CERS6: variants seen among roughly 807,000 people sequenced by gnomAD.
CERS6 encodes the protein LAG1 homolog, ceramide synthase 6.
In CERS6, 26 loss-of-function variants were observed where a neutral mutation model predicts 56.8. The ratio of observed to expected loss-of-function variants is 0.46; its 90% confidence interval spans 0.34 to 0.63. The LOEUF is 0.63. Ranked by LOEUF, CERS6 falls within the 30% of genes least tolerant of loss-of-function variation. CERS6 has a pLI of 0.01. For synonymous variants in CERS6, 164 were observed against 173.3 expected, an observed-to-expected ratio of 0.95 and a Z score of 0.42; for missense variants, 415 against 467.5, an observed-to-expected ratio of 0.89 and a Z score of 1.04.
rs547750306 is a variant in CERS6 at position 168,766,473 on chromosome 2, T to A, written c.1002+725T>A. 5.1e-5 allele frequency: 42 copies of A among 830,770 alleles called. No individual in the cohort carries two copies. The East Asian group carries it at 1.0e-3, about 20-fold the overall frequency. 51.5% of individuals were successfully genotyped at this position (830,770 alleles called of 1,614,324 possible). On this transcript the variant is annotated intron_variant, in intron 9 of 9. Transcript: ENST00000305747. The stretch of plus-strand genomic sequence containing the variant: ...CTATTGGCACTGTCTAGAGGCTTCA[T>A]GTGAGCTGTAGCTCTGTGAACTGCA...
chr2:168,472,409 C>G (rs1038008163), intron 1 of CERS6, among the ~76,000 whole-genome samples: 1 of 152,156 alleles, frequency 6.6e-6, no homozygotes, highest in African/African-American at 2.4e-5. Flanking sequence ...GCAAAACTCA[C>G]TATTCCACTT....
chr2:168,527,551 G>T (rs1185579128), intron 1 of CERS6, among the ~76,000 whole-genome samples: 1 of 152,082 alleles, frequency 6.6e-6, no homozygotes, highest in African/African-American at 2.4e-5. Context: ...CTAGAGGCTG[G>T]GAAGTTTAAG....
chr2:168,578,347 CT>C (rs1490857406), intron 3 of CERS6, among the ~76,000 whole-genome samples: 1 of 151,978 alleles, frequency 6.6e-6, no homozygotes, highest in Non-Finnish European at 1.5e-5. Context: ...TCATAAAGTA[CT>C]TTTGTGTCTT....
intron 4 of CERS6, among the ~76,000 whole-genome samples, chr2:168,673,743 T>C (rs913246269): frequency 6.6e-6 from 1 of 152,222 alleles, no homozygotes; most frequent in African/African-American, 2.4e-5. Context: ...TAAGGAACTT[T>C]TGTCTCTCTA....
chr2:168,509,349 T>C (rs1694738037), intron 1 of CERS6, among the ~76,000 whole-genome samples: 1 of 152,226 alleles, frequency 6.6e-6, no homozygotes, highest in South Asian at 2.1e-4. Flanking sequence ...TTTAAGTTAA[T>C]GCCATTAAGA....
chr2:168,459,254 T>A (rs1693734066), intron 1 of CERS6, among the ~76,000 whole-genome samples: 1 of 152,260 alleles, frequency 6.6e-6, no homozygotes, highest in Non-Finnish European at 1.5e-5. Flanking sequence ...TTGTTGAGGC[T>A]AAAATCGTGA....
At chr2:168,579,605 C>T (rs1683359861) in intron 3 of CERS6, among the ~76,000 whole-genome samples, 1 of 152,146 alleles carries the variant, frequency 6.6e-6, no homozygotes, top group African/African-American at 2.4e-5. Context: ...CTAGCTTAGG[C>T]ACCCTTTCTC....
chr2:168,693,420 C>T (rs1686555592), intron 5 of CERS6, among the ~76,000 whole-genome samples: 3 of 152,088 alleles, frequency 2.0e-5, no homozygotes, highest in Admixed American at 2.0e-4. Flanking sequence ...TATAATTCCT[C>T]TGGGGCCTTT....
intron 1 of CERS6, among the ~76,000 whole-genome samples, chr2:168,523,503 C>T (rs13430483): frequency 0.18 from 26,600 of 151,768 alleles, 2,700 homozygotes; most frequent in Middle Eastern, 0.23. Context: ...GAGAGGTGGT[C>T]GTTGGGTGGA....
In CERS6 at chr2:168,575,983, C is replaced by T. The variant is rs147510783; in HGVS notation, c.407+14661C>T. ...TGGTACTTAGTGTCTAATGAAGTTG[C>T]CTTAGAGAGGAGCACAGAGCGTTTA... On this transcript the variant is annotated intron_variant, in intron 3 of 9. Transcript: ENST00000305747. Among the ~76,000 whole-genome samples, 489 of 152,158 alleles carry T rather than the reference C, an allele frequency of 3.2e-3. 5 individuals carry two copies. Among genetic ancestry groups the T allele is most frequent in the African/African-American group, 0.011 (449 of 41,518 alleles).
chr2:168,480,023 T>C (rs371155748), intron 1 of CERS6, among the ~76,000 whole-genome samples: 32 of 152,362 alleles, frequency 2.1e-4, no homozygotes, highest in African/African-American at 7.5e-4. Context: ...AGAACCACTC[T>C]GATCCTGTGA....
intron 3 of CERS6, among the ~76,000 whole-genome samples, chr2:168,617,638 T>C (rs566645910): frequency 1.3e-5 from 2 of 152,062 alleles, no homozygotes; most frequent in Admixed American, 1.3e-4. Flanking sequence ...CTAGAGGAGA[T>C]AGATAAATTC....
intron 1 of CERS6, among the ~76,000 whole-genome samples, chr2:168,490,393 G>A (rs114552044): frequency 0.025 from 3,870 of 152,120 alleles, 158 homozygotes; most frequent in African/African-American, 0.088. Context: ...CTGTATAGTG[G>A]GGCTCTGTGA....
intron 8 of CERS6, among the ~76,000 whole-genome samples, chr2:168,760,856 C>G (rs1684560247): frequency 6.6e-6 from 1 of 152,028 alleles, no homozygotes; most frequent in South Asian, 2.1e-4. Flanking sequence ...CCCGGGTTCA[C>G]GCCATTCTCC....
intron 8 of CERS6, among the ~76,000 whole-genome samples, chr2:168,743,066 C>T (rs371753733): frequency 6.6e-6 from 1 of 151,938 alleles, no homozygotes; most frequent in African/African-American, 2.4e-5. Context: ...ATAGTTTGCT[C>T]CAGAGCCTCA....
chr2:168,508,015 A>C (rs957206687), intron 1 of CERS6, among the ~76,000 whole-genome samples: 1 of 152,302 alleles, frequency 6.6e-6, no homozygotes, highest in Admixed American at 6.5e-5. Context: ...TACCTATTTA[A>C]AGTTGTATCA....
intron 1 of CERS6, among the ~76,000 whole-genome samples, chr2:168,500,295 A>C (rs1694556478): frequency 6.6e-6 from 1 of 152,214 alleles, no homozygotes; most frequent in South Asian, 2.1e-4. Flanking sequence ...GTATAGAATG[A>C]ATGTACAGCA....
intron 8 of CERS6, among the ~76,000 whole-genome samples, chr2:168,722,338 C>G (rs865941889): frequency 6.6e-6 from 1 of 152,010 alleles, no homozygotes; most frequent in Non-Finnish European, 1.5e-5. Context: ...TTTTTGATGT[C>G]GTAAGAAACC....
intron 4 of CERS6, among the ~76,000 whole-genome samples, chr2:168,662,594 G>A (rs1262342861): frequency 6.6e-6 from 1 of 152,208 alleles, no homozygotes; most frequent in Admixed American, 6.5e-5. Context: ...AGCTGGGCGT[G>A]GTGGCGGGCG....
Sources: gnomAD v4.1 joint callset for allele counts (sites outside exome capture counted in the v4.1 genomes callset) on GRCh38, gnomAD v4.1.1 for gene constraint, MANE v1.5 for transcripts, NCBI Gene and HGNC (gene_info 2026-07-23, HGNC 2026-07-21) for gene names.